PDE1A: variants seen among roughly 807,000 people sequenced by gnomAD.
The protein encoded by PDE1A is phosphodiesterase 1A, also known as dual specificity calcium/calmodulin-dependent 3',5'-cyclic nucleotide phosphodiesterase 1A.
In PDE1A, 35 loss-of-function variants were observed where a neutral mutation model predicts 61.7. That is an observed-to-expected ratio of 0.57 (90% confidence interval 0.43 to 0.75). The LOEUF (loss-of-function observed/expected upper bound fraction) is 0.75, where lower values mean the gene tolerates loss of function less well. Ranked by LOEUF, PDE1A falls within the 30% of genes least tolerant of loss-of-function variation. The pLI, the probability that PDE1A is intolerant of heterozygous loss-of-function variation, is 0.00. For missense variants in PDE1A, 597 were observed against 630.6 expected (o/e 0.95, Z 0.57); for synonymous variants, 232 against 213.2 (o/e 1.09, Z -0.77).
At chr2:182,422,215 A>C (rs1703326087) in intron 1 of PDE1A, among the ~76,000 whole-genome samples, 1 of 152,224 alleles carries the variant, frequency 6.6e-6, no homozygotes, top group South Asian at 2.1e-4. Flanking sequence ...CTAATGGAAA[A>C]TTACCACAAA....
chr2:182,649,267 T>C, the PDE1A span, among the ~76,000 whole-genome samples: 3 of 152,220 alleles, frequency 2.0e-5, no homozygotes, highest in East Asian at 1.9e-4. Context: ...TTGTGCAACA[T>C]AAGTTATTAG....
At chr2:182,452,445 T>C (rs1386421914) in intron 2 of PDE1A, among the ~76,000 whole-genome samples, 1 of 152,158 alleles carries the variant, frequency 6.6e-6, no homozygotes, top group African/African-American at 2.4e-5. Flanking sequence ...TCTGCTGTCC[T>C]AACAAAGATT....
intron 7 of PDE1A, among the ~76,000 whole-genome samples, chr2:182,217,352 G>A (rs1574746571): frequency 3.0e-5 from 2 of 67,406 alleles, no homozygotes; most frequent in Admixed American, 1.7e-4. Context: ...CAGGACATAG[G>A]CATGGGCAAG....
the PDE1A span, among the ~76,000 whole-genome samples, chr2:182,663,331 C>T: frequency 6.6e-6 from 1 of 151,946 alleles, no homozygotes; most frequent in Non-Finnish European, 1.5e-5. Flanking sequence ...GGGTATATAC[C>T]CAAAGGAATA....
At chr2:182,716,771 C>G in the PDE1A span, among the ~76,000 whole-genome samples, 1 of 152,134 alleles carries the variant, frequency 6.6e-6, no homozygotes, top group African/African-American at 2.4e-5. Context: ...TCATCTTTAC[C>G]CCTCTCCCCT....
chr2:182,377,029 T>A (rs1700450268), intron 1 of PDE1A, among the ~76,000 whole-genome samples: 1 of 152,132 alleles, frequency 6.6e-6, no homozygotes, highest in African/African-American at 2.4e-5. Context: ...GGAGTACAAT[T>A]CAAGATGAGA....
the PDE1A span, among the ~76,000 whole-genome samples, chr2:182,691,003 C>A: frequency 1.3e-5 from 2 of 152,158 alleles, no homozygotes; most frequent in African/African-American, 4.8e-5. Context: ...AGGAGATCTA[C>A]AAACCACTGC....
the PDE1A span, among the ~76,000 whole-genome samples, chr2:182,554,471 T>C: frequency 6.6e-6 from 1 of 152,186 alleles, no homozygotes; most frequent in Non-Finnish European, 1.5e-5. Flanking sequence ...AGCCATCTTC[T>C]GGACCAGGCT....
the PDE1A span, among the ~76,000 whole-genome samples, chr2:182,681,284 T>C: frequency 6.6e-6 from 1 of 151,740 alleles, no homozygotes; most frequent in Non-Finnish European, 1.5e-5. Flanking sequence ...TGTGTTTCAC[T>C]GCTGGAAATT....
chr2:182,630,971 A>T, the PDE1A span, among the ~76,000 whole-genome samples: 1 of 152,132 alleles, frequency 6.6e-6, no homozygotes, highest in Non-Finnish European at 1.5e-5. Context: ...GAACTAATCT[A>T]ATGTACATAT....
At chr2:182,525,735 T>C (rs1172708143), upstream of PDE1A, among the ~76,000 whole-genome samples, 4 of 152,166 alleles carry the variant, frequency 2.6e-5, no homozygotes, top group African/African-American at 9.7e-5. Flanking sequence ...TTTATAGCAA[T>C]GTAAGAATGA....
At chr2:182,319,588 G>A (rs770721087) in intron 1 of PDE1A, among the ~76,000 whole-genome samples, 3 of 152,056 alleles carry the variant, frequency 2.0e-5, no homozygotes, top group Non-Finnish European at 4.4e-5. Context: ...TACTCCTGTG[G>A]CAATCTAAGG....
At chr2:182,312,679 C>T (rs1357305061) in intron 1 of PDE1A, among the ~76,000 whole-genome samples, 1 of 152,100 alleles carries the variant, frequency 6.6e-6, no homozygotes, top group Non-Finnish European at 1.5e-5. Context: ...ACCAGTGATG[C>T]CACACTATCT....
the PDE1A span, among the ~76,000 whole-genome samples, chr2:182,678,459 A>T: frequency 6.6e-6 from 1 of 152,140 alleles, no homozygotes; most frequent in Non-Finnish European, 1.5e-5. Flanking sequence ...AAGAGAAACT[A>T]TTTAGGGCCT....
At chr2:182,165,463 G>C (rs902100206), downstream of PDE1A, among the ~76,000 whole-genome samples, 1 of 152,162 alleles carries the variant, frequency 6.6e-6, no homozygotes, top group Non-Finnish European at 1.5e-5. Flanking sequence ...AAGGGCGATT[G>C]ATTGGCCTAC....
chr2:182,396,878 G>A (rs1309600222), intron 1 of PDE1A, among the ~76,000 whole-genome samples: 4 of 152,148 alleles, frequency 2.6e-5, no homozygotes, highest in African/African-American at 9.7e-5. Flanking sequence ...ATTCACTTCC[G>A]GGTGATTTGG....
upstream of PDE1A, among the ~76,000 whole-genome samples, chr2:182,431,152 C>T (rs1703931953): frequency 6.9e-6 from 1 of 144,384 alleles, no homozygotes; most frequent in South Asian, 2.3e-4. Context: ...CACAACACTG[C>T]TTCTTTTACT....
the PDE1A span, among the ~76,000 whole-genome samples, chr2:182,627,561 C>T: frequency 1.3e-5 from 2 of 150,352 alleles, no homozygotes; most frequent in Admixed American, 6.7e-5. Flanking sequence ...TAAGGAAAAA[C>T]ATTGCTCACA....
chr2:182,636,249 A>C, the PDE1A span, among the ~76,000 whole-genome samples: 93,647 of 151,816 alleles, frequency 0.62, 29,127 homozygotes, highest in Admixed American at 0.71. Flanking sequence ...TGATACATTG[A>C]GCCCGGCCTC....
Sources: allele counts gnomAD v4.1 joint callset (sites outside exome capture counted in the v4.1 genomes callset), GRCh38; gene constraint gnomAD v4.1.1; transcripts MANE v1.5; gene names NCBI Gene and HGNC (gene_info 2026-07-23, HGNC 2026-07-21).